The following ADAMTSL1 variants were observed in gnomAD, a reference collection of about 807,000 sequenced individuals.
ADAMTSL1 encodes ADAMTS-like protein 1.
Under a neutral mutation model 201.8 loss-of-function variants are expected in ADAMTSL1, and 126 were observed. That is an observed-to-expected ratio of 0.62 (90% CI 0.54 to 0.72). The LOEUF (loss-of-function observed/expected upper bound fraction) is 0.72, where lower values mean the gene tolerates loss of function less well. Among genes scored for constraint, ADAMTSL1 ranks in the 30% least tolerant of loss-of-function variants. The pLI is 0.00. For synonymous variants in ADAMTSL1, 1,121 were observed against 903.4 expected (o/e 1.24, Z -4.32); for missense variants, 2,679 against 2,277.8 (o/e 1.18, Z -3.59).
In ADAMTSL1 at chr9:18,699,320, C is replaced by CTTT. The variant is rs34869167; in HGVS notation, c.1575-7409_1575-7407dup. Among the ~76,000 whole-genome samples the CTTT allele has an allele frequency of 7.5e-5, 9 of 120,264 alleles. No individual in the cohort carries two copies. The East Asian group carries it at 1.2e-3, about 17-fold the overall frequency. 78.9% of individuals were successfully genotyped at this position (120,264 alleles called of 152,430 possible). A position where few individuals can be genotyped will look rare whatever the true frequency, so the allele number is the denominator to read the frequency against. ...TCCATGTGTTTTGCTGGGTTTTTTA[C>CTTT]TTTTTTTTTTTTTTTTTTTTGAGAG... On this transcript the variant is annotated intron_variant, in intron 13 of 28. Coordinates refer to ENST00000380548, the MANE Select transcript of ADAMTSL1 (RefSeq NM_001040272.6).
chr9:18,212,028 C>G (rs1429282804), intron 2 of ADAMTSL1, among the ~76,000 whole-genome samples: 1 of 152,072 alleles, frequency 6.6e-6, no homozygotes, highest in Non-Finnish European at 1.5e-5. Context: ...TGGGACTCTC[C>G]TAGGGTTGTA....
At chr9:18,161,535 TAGAAC>T in intron 1 of ADAMTSL1, among the ~76,000 whole-genome samples, 1 of 152,170 alleles carries the variant, frequency 6.6e-6, no homozygotes, top group South Asian at 2.1e-4. Flanking sequence ...ACACCAAAAT[TAGAAC>T]ATGTCAATTC....
intron 3 of ADAMTSL1, among the ~76,000 whole-genome samples, chr9:18,562,696 T>C (rs1035782682): frequency 5.3e-5 from 8 of 152,228 alleles, no homozygotes; most frequent in African/African-American, 1.9e-4. Flanking sequence ...CCATATTTCT[T>C]GGAGGCTTTG....
chr9:18,295,360 G>A (rs914744397), intron 2 of ADAMTSL1, among the ~76,000 whole-genome samples: 2 of 147,204 alleles, frequency 1.4e-5, no homozygotes, highest in African/African-American at 2.5e-5. Context: ...TTTTTTTTTA[G>A]ACAGAGTATC....
At chr9:18,120,022 A>G (rs1825431565) in intron 1 of ADAMTSL1, among the ~76,000 whole-genome samples, 1 of 152,168 alleles carries the variant, frequency 6.6e-6, no homozygotes, top group African/African-American at 2.4e-5. Flanking sequence ...TTGCCAGCTT[A>G]AAACAACGAA....
upstream of ADAMTSL1, among the ~76,000 whole-genome samples, chr9:18,470,497 T>A (rs548741528): frequency 6.6e-6 from 1 of 152,198 alleles, no homozygotes; most frequent in Non-Finnish European, 1.5e-5. Context: ...GATGCTGCCA[T>A]AACCACTTCC....
intron 19 of ADAMTSL1, among the ~76,000 whole-genome samples, chr9:18,778,323 G>C (rs1821184661): frequency 2.0e-5 from 3 of 152,214 alleles, no homozygotes; most frequent in Admixed American, 2.0e-4. Context: ...TGGTCCCCCA[G>C]GGCTGGGCAG....
Position 18,891,834 on chromosome 9 carries a change from G to A in ADAMTSL1, c.4644-555G>A, listed in dbSNP as rs116130593. The stretch of plus-strand genomic sequence containing the variant: ...CTTCCCTAGAACAACTGTCTCTCCT[G>A]TCACATGCTTGGATCTCCTTTAGGA... On this transcript the variant is annotated intron_variant, in intron 25 of 28. Transcript: ENST00000380548. Among the ~76,000 whole-genome samples, 242 of 152,342 alleles carry A rather than the reference G, an allele frequency of 1.6e-3. 3 individuals carry two copies. Among genetic ancestry groups the A allele is most frequent in the African/African-American group, 5.5e-3 (228 of 41,588 alleles).
intron 1 of ADAMTSL1, among the ~76,000 whole-genome samples, chr9:17,971,707 T>G (rs1163855970): frequency 6.6e-6 from 1 of 152,042 alleles, no homozygotes; most frequent in Non-Finnish European, 1.5e-5. Context: ...TTATAAAATT[T>G]AGTTTTGTTT....
At chr9:18,576,915 A>T (rs1048523704) in intron 4 of ADAMTSL1, among the ~76,000 whole-genome samples, 1 of 151,786 alleles carries the variant, frequency 6.6e-6, no homozygotes, top group African/African-American at 2.4e-5. Context: ...GGTCGATTTT[A>T]TATCTTGCCC....
At chr9:18,886,372 C>T (rs2082581) in intron 23 of ADAMTSL1, among the ~76,000 whole-genome samples, 15,044 of 151,212 alleles carry the variant, frequency 0.099, 822 homozygotes, top group Middle Eastern at 0.21. Flanking sequence ...GGTGACCGAG[C>T]GAGACCCTGT....
chr9:18,857,015 C>T (rs1483110591), intron 23 of ADAMTSL1, among the ~76,000 whole-genome samples: 1 of 152,128 alleles, frequency 6.6e-6, no homozygotes, highest in African/African-American at 2.4e-5. Context: ...CCCGGTCCTC[C>T]AAATCCTGAG....
At chr9:18,340,352 C>G (rs1205297442) in intron 2 of ADAMTSL1, among the ~76,000 whole-genome samples, 3 of 152,172 alleles carry the variant, frequency 2.0e-5, no homozygotes, top group African/African-American at 7.2e-5. Context: ...TTCTTGAATT[C>G]ATATCTGTAA....
At chr9:18,834,259 T>C (rs1825177241) in intron 23 of ADAMTSL1, among the ~76,000 whole-genome samples, 1 of 152,208 alleles carries the variant, frequency 6.6e-6, no homozygotes, top group Non-Finnish European at 1.5e-5. Flanking sequence ...TAACATTGAA[T>C]CTGTAAGTTG....
intron 1 of ADAMTSL1, among the ~76,000 whole-genome samples, chr9:17,913,373 G>A (rs1163981958): frequency 6.6e-6 from 1 of 152,026 alleles, no homozygotes. Flanking sequence ...TTATTTCATT[G>A]AACAGTGGTT....
At chr9:18,363,658 G>A (rs1216137274) in intron 2 of ADAMTSL1, among the ~76,000 whole-genome samples, 4 of 152,106 alleles carry the variant, frequency 2.6e-5, no homozygotes. Flanking sequence ...TGGTACTTAT[G>A]GTGAGTCCAT....
chr9:18,419,484 C>A (rs1818840466), intron 2 of ADAMTSL1, among the ~76,000 whole-genome samples: 1 of 152,036 alleles, frequency 6.6e-6, no homozygotes, highest in South Asian at 2.1e-4. Context: ...TATGTTTGCA[C>A]AAAAACCTGT....
intron 1 of ADAMTSL1, among the ~76,000 whole-genome samples, chr9:18,122,883 T>C (rs1008242200): frequency 2.6e-5 from 4 of 151,872 alleles, no homozygotes; most frequent in African/African-American, 9.7e-5. Flanking sequence ...GGACTATTGG[T>C]GTGTACCTCC....
intron 2 of ADAMTSL1, among the ~76,000 whole-genome samples, chr9:18,217,187 T>A (rs571103649): frequency 6.6e-6 from 1 of 152,330 alleles, no homozygotes; most frequent in African/African-American, 2.4e-5. Flanking sequence ...AGTCAGAAAG[T>A]TAGGCCCTGG....
Sources: gnomAD v4.1 joint callset for allele counts (sites outside exome capture counted in the v4.1 genomes callset) on GRCh38, gnomAD v4.1.1 for gene constraint, MANE v1.5 for transcripts, NCBI Gene and HGNC (gene_info 2026-07-23, HGNC 2026-07-21) for gene names.